HCRTR2: variants seen among roughly 807,000 people sequenced by gnomAD.
The protein encoded by HCRTR2 is orexin receptor type 2.
In HCRTR2, 22 loss-of-function variants were observed where a neutral mutation model predicts 49.0. That is an observed-to-expected ratio of 0.45 (90% confidence interval 0.32 to 0.64). The LOEUF is 0.64. Among genes scored for constraint, HCRTR2 ranks in the 30% least tolerant of loss-of-function variants. The pLI is 0.04. For synonymous variants in HCRTR2, 236 were observed against 205.3 expected (o/e 1.15, Z -1.28); for missense variants, 491 against 559.4 (o/e 0.88, Z 1.23).
intron 1 of HCRTR2, among the ~76,000 whole-genome samples, chr6:55,229,551 C>T (rs1387864821): frequency 6.6e-6 from 1 of 152,038 alleles, no homozygotes; most frequent in Non-Finnish European, 1.5e-5. Flanking sequence ...TATTATTCAG[C>T]CTTAAAAAAG....
chr6:55,240,611 T>C (rs1766309205), intron 1 of HCRTR2, among the ~76,000 whole-genome samples: 1 of 152,012 alleles, frequency 6.6e-6, no homozygotes, highest in African/African-American at 2.4e-5. Flanking sequence ...GGAGTAAAAC[T>C]AGCAATAGAA....
At chr6:55,178,274 C>T (rs1042964262) in intron 1 of HCRTR2, among the ~76,000 whole-genome samples, 1 of 151,938 alleles carries the variant, frequency 6.6e-6, no homozygotes, top group Non-Finnish European at 1.5e-5. Context: ...TCAAAGATAT[C>T]ATATGTTTCA....
At chr6:55,152,143 T>A (rs1299700944) in intron 1 of HCRTR2, among the ~76,000 whole-genome samples, 1 of 151,996 alleles carries the variant, frequency 6.6e-6, no homozygotes, top group Non-Finnish European at 1.5e-5. Flanking sequence ...ATTTGAGGAA[T>A]CTTCATACTG....
At chr6:55,209,199 A>G (rs1035608584) in intron 1 of HCRTR2, among the ~76,000 whole-genome samples, 3 of 152,186 alleles carry the variant, frequency 2.0e-5, no homozygotes, top group Non-Finnish European at 4.4e-5. Flanking sequence ...TAATCTCTAG[A>G]CTATCAGAAT....
chr6:55,181,571 A>G (rs1175442435), intron 1 of HCRTR2, among the ~76,000 whole-genome samples: 1 of 152,200 alleles, frequency 6.6e-6, no homozygotes, highest in African/African-American at 2.4e-5. Flanking sequence ...ACTCTTCAGA[A>G]GATATTTGTC....
intron 1 of HCRTR2, among the ~76,000 whole-genome samples, chr6:55,233,645 G>A (rs1445926984): frequency 1.3e-5 from 2 of 152,026 alleles, no homozygotes; most frequent in Non-Finnish European, 2.9e-5. Context: ...CAATGAGGGA[G>A]GATCGTGCCA....
chr6:55,243,813 A>T (rs1766380631), intron 1 of HCRTR2, among the ~76,000 whole-genome samples: 2 of 152,112 alleles, frequency 1.3e-5, no homozygotes, highest in African/African-American at 2.4e-5. Context: ...AATGATCCAC[A>T]ATAATTTTAG....
chr6:55,114,613 T>C (rs947654653), intron 1 of HCRTR2, among the ~76,000 whole-genome samples: 8 of 151,784 alleles, frequency 5.3e-5, no homozygotes, highest in African/African-American at 1.9e-4. Context: ...AGGATACTAA[T>C]ATGGAAAAGG....
upstream of HCRTR2, chr6:55,174,438 G>A: frequency 1.4e-6 from 1 of 726,748 alleles, no homozygotes; most frequent in Non-Finnish European, 2.5e-6. Context: ...AGACTCCGGA[G>A]GCATTGGCTC....
chr6:55,219,681 G>A (rs998322848), intron 1 of HCRTR2, among the ~76,000 whole-genome samples: 2 of 151,652 alleles, frequency 1.3e-5, no homozygotes, highest in Non-Finnish European at 1.5e-5. Flanking sequence ...CCTAATGTTA[G>A]CAAAGAAAGG....
chr6:55,162,986 C>A (rs76106676), intron 1 of HCRTR2, among the ~76,000 whole-genome samples: 1 of 151,986 alleles, frequency 6.6e-6, no homozygotes, highest in African/African-American at 2.4e-5. Flanking sequence ...CAGTGGCTCA[C>A]GCTTGTAATC....
intron 2 of HCRTR2, among the ~76,000 whole-genome samples, chr6:55,251,797 T>C (rs1562022453): frequency 6.6e-6 from 1 of 152,060 alleles, no homozygotes; most frequent in Non-Finnish European, 1.5e-5. Flanking sequence ...AACATTATCC[T>C]GTGCGAAGGG....
rs141896240 is a variant in HCRTR2, at chr6:55,196,233, G to T, written c.223+21423G>T. Among the ~76,000 whole-genome samples, 684 of 152,186 alleles carry T rather than the reference G, an allele frequency of 4.5e-3. 1 individual carries two copies. The highest frequency in any genetic ancestry group is 0.015 in the African/African-American group (626 of 41,530). On this transcript the variant is annotated intron_variant, in intron 1 of 6. Transcript: ENST00000370862. Reference sequence around the variant, plus strand: ...TTTGCCATTTCATGTATATGGTGGGGTGGGGGAGTTATCAATCACAGTACC... The same window carrying T: ...TTTGCCATTTCATGTATATGGTGGGTTGGGGGAGTTATCAATCACAGTACC...
intron 1 of HCRTR2, among the ~76,000 whole-genome samples, chr6:55,237,550 T>G (rs557766126): frequency 6.6e-6 from 1 of 152,332 alleles, no homozygotes; most frequent in Non-Finnish European, 1.5e-5. Flanking sequence ...TCAGCTTTGT[T>G]CTCTGTTTCT....
chr6:55,257,150 G>A (rs2127318547), intron 3 of HCRTR2, among the ~76,000 whole-genome samples: 1 of 152,110 alleles, frequency 6.6e-6, no homozygotes, highest in East Asian at 1.9e-4. Context: ...TGGAACATAG[G>A]GGCAGATAGT....
At chr6:55,243,940 G>A (rs775645811) in intron 1 of HCRTR2, among the ~76,000 whole-genome samples, 1 of 152,056 alleles carries the variant, frequency 6.6e-6, no homozygotes, top group Non-Finnish European at 1.5e-5. Flanking sequence ...TTTTTATTTT[G>A]TTGGTTGACC....
At chr6:55,113,792 T>A (rs10456698) in intron 1 of HCRTR2, among the ~76,000 whole-genome samples, 8,208 of 152,008 alleles carry the variant, frequency 0.054, 322 homozygotes, top group African/African-American at 0.1. Flanking sequence ...ATCTGACTGC[T>A]GAGTATCTAC....
chr6:55,179,007 T>C (rs1259389478), intron 1 of HCRTR2, among the ~76,000 whole-genome samples: 2 of 152,222 alleles, frequency 1.3e-5, no homozygotes. Flanking sequence ...GAAGTATTCA[T>C]AGTTAAAATA....
intron 1 of HCRTR2, among the ~76,000 whole-genome samples, chr6:55,141,515 G>A (rs1002662877): frequency 6.6e-6 from 1 of 152,102 alleles, no homozygotes; most frequent in African/African-American, 2.4e-5. Context: ...ATGTCAAACT[G>A]TGCTCTTACT....
Sources: allele counts gnomAD v4.1 joint callset (sites outside exome capture counted in the v4.1 genomes callset), GRCh38; gene constraint gnomAD v4.1.1; transcripts MANE v1.5; gene names NCBI Gene and HGNC (gene_info 2026-07-23, HGNC 2026-07-21).